The following PTK2 variants were observed in gnomAD, a reference collection of about 807,000 sequenced individuals.
PTK2 encodes protein tyrosine kinase 2.
Under a neutral mutation model 150.1 loss-of-function variants are expected in PTK2, and 45 were observed. That is an observed-to-expected ratio of 0.30 (90% CI 0.24 to 0.38). The LOEUF (loss-of-function observed/expected upper bound fraction) is 0.38, where lower values mean the gene tolerates loss of function less well. PTK2 is among the 10% of genes least tolerant of loss of function. The probability of loss-of-function intolerance (pLI) is 1.00; values close to 1 mark genes in which losing one functional copy is unlikely to be tolerated. For synonymous variants in PTK2, 432 were observed against 449.2 expected (o/e 0.96, Z 0.48); for missense variants, 919 against 1,307.3 (o/e 0.70, Z 4.58).
At chr8:140,765,965 C>G (rs149057082) in intron 14 of PTK2, among the ~76,000 whole-genome samples, 112 of 152,298 alleles carry the variant, frequency 7.4e-4, no homozygotes, top group Non-Finnish European at 1.3e-3. Context: ...AAAATGAATG[C>G]AACTAAAGCT....
At position 140,736,056 on chromosome 8, in the gene PTK2, T is replaced by C. The variant is rs563839294; in HGVS notation, c.1826-601A>G. Among the ~76,000 whole-genome samples, 3 of 152,352 alleles carry C rather than the reference T, an allele frequency of 2.0e-5. No individual in the cohort carries two copies. The East Asian group carries it at 5.8e-4, about 29-fold the overall frequency. ...TGTCTATAAATGCCACAGTGTGACC[T>C]CAAAAAGTTTACTTGCACTCTACCC... On this transcript the variant is annotated intron_variant, in intron 21 of 31. Transcript: ENST00000522684.
At chr8:140,726,192 G>A (rs2100045677) in intron 22 of PTK2, among the ~76,000 whole-genome samples, 1 of 152,068 alleles carries the variant, frequency 6.6e-6, no homozygotes, top group Non-Finnish European at 1.5e-5. Flanking sequence ...CTGAAGCGGG[G>A]AAGGTCAGGA....
chr8:140,659,609 G>C, exon 32 of PTK2: 1 of 1,614,190 alleles, frequency 6.2e-7, no homozygotes, highest in Non-Finnish European at 8.5e-7. Flanking sequence ...ATGACATACT[G>C]CTGGGCCAGT....
At position 140,803,541 on chromosome 8, in the gene PTK2, A is replaced by T; in HGVS notation, c.975+2T>A. The stretch of plus-strand genomic sequence containing the variant: ...TTAATGATGAACGTAACAGTTCCTT[A>T]CCTCGGGTGCACCTGCTATTTTTAG... On this transcript the variant is annotated splice_donor_variant, in intron 11 of 31. Transcript: ENST00000522684. LOFTEE classifies it high-confidence loss of function. The T allele has an allele frequency of 6.2e-7, 1 of 1,601,958 alleles. No homozygotes were observed. Among genetic ancestry groups the T allele is most frequent in the Non-Finnish European group, 8.6e-7 (1 of 1,169,038 alleles).
intron 30 of PTK2, among the ~76,000 whole-genome samples, chr8:140,665,360 A>G (rs554041810): frequency 6.6e-6 from 1 of 152,240 alleles, no homozygotes; most frequent in East Asian, 1.9e-4. Context: ...AGGTTAGGAT[A>G]AATAGTAGCA....
chr8:140,768,434 C>T (rs1173113506), intron 14 of PTK2, among the ~76,000 whole-genome samples: 1 of 152,204 alleles, frequency 6.6e-6, no homozygotes, highest in Non-Finnish European at 1.5e-5. Flanking sequence ...GTAATCCTCA[C>T]AACAACCACT....
At chr8:140,688,502 G>T (rs111858190) in intron 26 of PTK2, among the ~76,000 whole-genome samples, 1 of 151,834 alleles carries the variant, frequency 6.6e-6, no homozygotes, top group Non-Finnish European at 1.5e-5. Context: ...ACCCTTTGAG[G>T]CCAGGATATC....
upstream of PTK2, among the ~76,000 whole-genome samples, chr8:141,001,835 G>T (rs573890597): frequency 6.6e-6 from 1 of 152,352 alleles, no homozygotes; most frequent in Admixed American, 6.5e-5. Context: ...TGCAGACAAG[G>T]AAACTGAGGC....
At chr8:140,771,730 T>A (rs145297102) in intron 14 of PTK2, among the ~76,000 whole-genome samples, 1 of 152,064 alleles carries the variant, frequency 6.6e-6, no homozygotes, top group East Asian at 1.9e-4. Flanking sequence ...AGAACAGAAA[T>A]GTACACTTCA....
intron 22 of PTK2, among the ~76,000 whole-genome samples, chr8:140,722,176 T>C (rs2100043265): frequency 6.6e-6 from 1 of 152,220 alleles, no homozygotes; most frequent in Non-Finnish European, 1.5e-5. Context: ...TTCGCTATTA[T>C]TGCTCAGGCT....
At chr8:140,694,415 A>T (rs891585932) in intron 26 of PTK2, among the ~76,000 whole-genome samples, 1 of 152,114 alleles carries the variant, frequency 6.6e-6, no homozygotes, top group African/African-American at 2.4e-5. Flanking sequence ...TCTGGCTTAT[A>T]TTTTTATGTC....
At chr8:140,987,170 GA>G (rs751207194) in intron 1 of PTK2, among the ~76,000 whole-genome samples, 28 of 151,976 alleles carry the variant, frequency 1.8e-4, no homozygotes, top group African/African-American at 6.5e-4. Context: ...AAAAATGGAG[GA>G]AAAAAACACC....
intron 14 of PTK2, among the ~76,000 whole-genome samples, chr8:140,766,389 T>A (rs942525400): frequency 1.6e-4 from 24 of 152,164 alleles, no homozygotes; most frequent in African/African-American, 5.5e-4. Context: ...TAGAGCCAAT[T>A]CTGGTTTTAG....
At chr8:140,859,162 C>A (rs1250838855) in intron 5 of PTK2, among the ~76,000 whole-genome samples, 3 of 152,014 alleles carry the variant, frequency 2.0e-5, no homozygotes, top group Non-Finnish European at 4.4e-5. Context: ...CAGCTTTTAC[C>A]TTAAGGGTAG....
Position 140,769,558 on chromosome 8 carries a change from G to T in PTK2, c.1178-5268C>A. ...ATTATCTCATAGCAGTAACACAAATGTGAAAATAAATATTACCGTCCCCAC... is the reference window on the plus strand; with the variant it reads ...ATTATCTCATAGCAGTAACACAAATTTGAAAATAAATATTACCGTCCCCAC... On this transcript the variant is annotated intron_variant, in intron 14 of 31. Coordinates refer to ENST00000522684, the Ensembl canonical transcript of PTK2. The T allele has an allele frequency of 7.4e-7, 1 of 1,346,116 alleles. No homozygotes were observed. Among genetic ancestry groups the T allele is most frequent in the Non-Finnish European group, 9.9e-7 (1 of 1,014,190 alleles). The allele number at this position is 1,346,116 out of a possible 1,614,324, so 83.4% of individuals were successfully genotyped here. A position where few individuals can be genotyped will look rare whatever the true frequency, so the allele number is the denominator to read the frequency against.
At chr8:140,676,211 A>G (rs972927442) in intron 27 of PTK2, among the ~76,000 whole-genome samples, 5 of 152,024 alleles carry the variant, frequency 3.3e-5, no homozygotes, top group Non-Finnish European at 7.4e-5. Flanking sequence ...CCCTGTCTCT[A>G]CTAAAAACAC....
At chr8:140,665,381 A>G (rs376778096) in intron 30 of PTK2, among the ~76,000 whole-genome samples, 5 of 152,108 alleles carry the variant, frequency 3.3e-5, no homozygotes, top group East Asian at 1.9e-4. Flanking sequence ...CCTTTCCCCA[A>G]GTGTGTTCAC....
At chr8:140,986,043 C>T (rs1313042947) in intron 1 of PTK2, among the ~76,000 whole-genome samples, 3 of 152,156 alleles carry the variant, frequency 2.0e-5, no homozygotes, top group African/African-American at 7.2e-5. Context: ...GATCCACGTA[C>T]CAGTGCAAGT....
chr8:140,994,381 G>A (rs943679017), intron 1 of PTK2, among the ~76,000 whole-genome samples: 5 of 152,208 alleles, frequency 3.3e-5, no homozygotes, highest in African/African-American at 1.2e-4. Flanking sequence ...ACCCTGCATC[G>A]AGCAAGTCAT....
Sources: allele counts gnomAD v4.1 joint callset (sites outside exome capture counted in the v4.1 genomes callset), GRCh38; gene constraint gnomAD v4.1.1; transcripts MANE v1.5; gene names NCBI Gene and HGNC (gene_info 2026-07-23, HGNC 2026-07-21).